ATXN3: variants seen among roughly 807,000 people sequenced by gnomAD.
ATXN3 encodes ataxin-3.
Under a neutral mutation model 58.2 loss-of-function variants are expected in ATXN3, and 28 were observed. The ratio of observed to expected loss-of-function variants is 0.48; its 90% CI spans 0.36 to 0.66. The LOEUF is 0.66. Ranked by LOEUF, ATXN3 falls within the 30% of genes least tolerant of loss-of-function variation. The pLI, the probability that ATXN3 is intolerant of heterozygous loss-of-function variation, is 0.00. For missense variants in ATXN3, 321 were observed against 422.1 expected (o/e 0.76, Z 2.10); for synonymous variants, 113 against 138.5 (o/e 0.82, Z 1.29).
At position 92,093,246 on chromosome 14, in the gene ATXN3, T is replaced by A. The variant is rs755849686; in HGVS notation, c.387+6A>T. 6.7e-7 allele frequency: 1 copy of A among 1,487,580 alleles called. No individual in the cohort carries two copies. The highest frequency in any genetic ancestry group is 9.3e-7 in the Non-Finnish European group (1 of 1,076,966). The allele number at this position is 1,487,580 out of a possible 1,614,324, so 92.1% of individuals were successfully genotyped here. ...AAAAAAGACAAGGAAGGGTAAGAAA[T>A]GTTACCTGTTTTCCTAATTTTCTAA... is the stretch of plus-strand genomic sequence containing the variant. On this transcript the variant is annotated splice_donor_region_variant and intron_variant, in intron 5 of 10. Transcript: ENST00000644486.
chr14:92,080,741 GC>G, intron 9 of ATXN3: 1 of 507,042 alleles, frequency 2.0e-6, no homozygotes, highest in African/African-American at 1.9e-5. Context: ...TCACTGTGTT[GC>G]CCAGGCTGGT....
chr14:92,080,709 T>C (rs1235022686), intron 9 of ATXN3: 4 of 410,816 alleles, frequency 9.7e-6, no homozygotes, highest in Non-Finnish European at 1.9e-5. Context: ...GATTCTTTTG[T>C]ATTTTTAGTA....
rs1181410590 is a variant in ATXN3, at chr14:92,058,805, C to T, written c.*5515G>A. The stretch of plus-strand genomic sequence containing the variant: ...GTGCACTTGTATCATGGCCAAACAA[C>T]AATGCTTTTTGTTTCAGATATTTTC... On this transcript the variant is annotated 3_prime_UTR_variant, in exon 11 of 11. Transcript: ENST00000644486. 6.6e-6 allele frequency: 1 copy of T among 152,180 alleles called. No homozygotes were observed. The highest frequency in any genetic ancestry group is 2.4e-5 in the African/African-American group (1 of 41,444). The allele number at this position is 152,180 out of a possible 1,614,324, so 9.4% of individuals were successfully genotyped here.
At chr14:92,076,629 C>T (rs2060433150) in intron 9 of ATXN3, among the ~76,000 whole-genome samples, 1 of 151,198 alleles carries the variant, frequency 6.6e-6, no homozygotes, top group Admixed American at 6.6e-5. Context: ...GTCTTTAGAC[C>T]ATTTTATTTT....
chr14:92,057,180 G>A (rs1185380314), downstream of ATXN3, among the ~76,000 whole-genome samples: 3 of 152,206 alleles, frequency 2.0e-5, no homozygotes, highest in Non-Finnish European at 4.4e-5. Flanking sequence ...CACTTTGGGA[G>A]GCCAAGGCGG....
intron 5 of ATXN3, among the ~76,000 whole-genome samples, chr14:92,090,024 G>A (rs1479449367): frequency 6.9e-6 from 1 of 145,318 alleles, no homozygotes; most frequent in East Asian, 2.2e-4. Context: ...TTGAGCCCAG[G>A]AATTTGAGAC....
At chr14:92,057,939 G>A (rs916876745), downstream of ATXN3, among the ~76,000 whole-genome samples, 3 of 151,938 alleles carry the variant, frequency 2.0e-5, no homozygotes, top group Non-Finnish European at 4.4e-5. Context: ...CAAACTCCTG[G>A]GGTCAAGTGA....
chr14:92,081,138 C>A, intron 8 of ATXN3, 77 bp from the exon 9 acceptor site: 1 of 1,009,888 alleles, frequency 9.9e-7, no homozygotes, highest in Non-Finnish European at 1.5e-6. Flanking sequence ...TGTTTATACT[C>A]ATTTGAGTAA....
At chr14:92,045,347 G>C (rs1265336262) in intron 2 of ATXN3, among the ~76,000 whole-genome samples, 1 of 152,186 alleles carries the variant, frequency 6.6e-6, no homozygotes, top group African/African-American at 2.4e-5. Flanking sequence ...TTATCGGACT[G>C]TATAAAGGTG....
intron 9 of ATXN3, 68 bp from the exon 10 acceptor site, chr14:92,071,121 A>T: frequency 6.6e-7 from 1 of 1,526,154 alleles, no homozygotes; most frequent in Non-Finnish European, 8.8e-7. Context: ...CCATGAGAAA[A>T]ACTATTCATA....
intron 9 of ATXN3, 41 bp from the exon 10 acceptor site, chr14:92,071,094 T>C: frequency 6.7e-7 from 1 of 1,495,640 alleles, no homozygotes; most frequent in Non-Finnish European, 8.9e-7. Flanking sequence ...AAAACAAAAC[T>C]TAAAAGAATA....
At chr14:92,078,676 T>C (rs1314611008) in intron 9 of ATXN3, among the ~76,000 whole-genome samples, 3 of 152,176 alleles carry the variant, frequency 2.0e-5, no homozygotes, top group African/African-American at 7.2e-5. Context: ...GATTTATTTT[T>C]TACATTAACT....
downstream of ATXN3, among the ~76,000 whole-genome samples, chr14:92,055,754 A>G (rs1255559202): frequency 6.6e-6 from 1 of 152,202 alleles, no homozygotes; most frequent in East Asian, 1.9e-4. The surrounding 1 kb of genome is among the most constrained non-coding windows in gnomAD (Gnocchi z 4.5). Context: ...TGAGCTCAGA[A>G]GTTCTAGACC....
chr14:92,102,581 G>C (rs2067089610), intron 1 of ATXN3, among the ~76,000 whole-genome samples: 2 of 152,178 alleles, frequency 1.3e-5, no homozygotes, highest in Admixed American at 1.3e-4. Context: ...CAATCTAGCA[G>C]CATTTCTCAC....
intron 8 of ATXN3, 71 bp from the exon 9 acceptor site, chr14:92,081,132 T>G: frequency 9.3e-7 from 1 of 1,070,588 alleles, no homozygotes. Flanking sequence ...TATGTTTGTT[T>G]ATACTCATTT....
chr14:92,090,587 C>T (rs2063563105), intron 5 of ATXN3: 1 of 151,946 alleles, frequency 6.6e-6, no homozygotes, highest in South Asian at 2.1e-4. Context: ...CAGAAAGAGT[C>T]TATAGTGAAA....
chr14:92,070,852 A>C, intron 10 of ATXN3, 83 bp downstream of exon 10: 1 of 1,612,942 alleles, frequency 6.2e-7, no homozygotes, highest in South Asian at 1.1e-5. Context: ...ATGAAGAATA[A>C]TGTAAAGCAA....
intron 10 of ATXN3, among the ~76,000 whole-genome samples, chr14:92,066,622 T>TAA (rs796931204): frequency 0.28 from 39,717 of 144,130 alleles, 5,706 homozygotes; most frequent in African/African-American, 0.38. Flanking sequence ...TTTTTTTTTT[T>TAA]TTTGAGACAA....
chr14:92,093,184 G>A (rs1211336084), intron 5 of ATXN3, 68 bp downstream of exon 5: 4 of 1,073,442 alleles, frequency 3.7e-6, no homozygotes, highest in Non-Finnish European at 5.4e-6. Flanking sequence ...ACCACACCTG[G>A]CCCACATTTT....
Sources: allele counts gnomAD v4.1 joint callset (sites outside exome capture counted in the v4.1 genomes callset), GRCh38; gene constraint gnomAD v4.1.1; non-coding constraint Gnocchi (gnomAD v3.1); transcripts MANE v1.5; gene names NCBI Gene and HGNC (gene_info 2026-07-23, HGNC 2026-07-21).